The following ELL2 variants were observed in gnomAD, a reference collection of about 807,000 sequenced individuals.
ELL2 encodes the protein elongation factor for RNA polymerase II 2.
Under a neutral mutation model 72.8 loss-of-function variants are expected in ELL2, and 21 were observed. The observed-to-expected ratio is 0.29, with a 90% CI of 0.20 to 0.42. The LOEUF (loss-of-function observed/expected upper bound fraction) is 0.42. ELL2 is among the 10% of genes least tolerant of loss of function. The pLI is 1.00. For missense variants in ELL2, 568 were observed against 772.8 expected (o/e 0.73, Z 3.14); for synonymous variants, 266 against 283.2 (o/e 0.94, Z 0.61).
intron 3 of ELL2, among the ~76,000 whole-genome samples, chr5:95,918,890 TC>T (rs2112309664): frequency 1.3e-5 from 2 of 151,354 alleles, no homozygotes. Context: ...TTTTTTTTTT[TC>T]TTTTTTTTTA....
At position 95,888,683 on chromosome 5, in the gene ELL2, G is replaced by A. The variant is rs936448523; in HGVS notation, c.*188C>T. The A allele has an allele frequency of 3.1e-5, 13 of 425,100 alleles. No individual in the cohort carries two copies. Among genetic ancestry groups the A allele is most frequent in the Non-Finnish European group, 5.3e-5 (13 of 244,372 alleles). 26.3% of individuals were successfully genotyped at this position (425,100 alleles called of 1,614,324 possible). On this transcript the variant is annotated 3_prime_UTR_variant, in exon 12 of 12. Transcript: ENST00000237853. ...AGTCTTGGGGGTGGGGTGGTGGGGA[G>A]GACCAGAAAGAGCAGCTTCGAAATG...
intron 3 of ELL2, among the ~76,000 whole-genome samples, chr5:95,915,695 C>G (rs1749766040): frequency 6.6e-6 from 1 of 152,054 alleles, no homozygotes. Context: ...GGAGGTGATG[C>G]CTGAGGTGAT....
chr5:95,912,166 G>A (rs1406986939), intron 4 of ELL2, among the ~76,000 whole-genome samples: 1 of 152,196 alleles, frequency 6.6e-6, no homozygotes, highest in Non-Finnish European at 1.5e-5. Flanking sequence ...AGTCTGTTGT[G>A]TAAGCTATAA....
intron 4 of ELL2, among the ~76,000 whole-genome samples, chr5:95,907,296 A>ATATATT: frequency 2.6e-5 from 3 of 116,520 alleles, no homozygotes; most frequent in African/African-American, 1.2e-4. Context: ...ATATATATAT[A>ATATATT]TTTTTTTTTT....
chr5:95,894,288 C>T (rs1184028979), intron 9 of ELL2, among the ~76,000 whole-genome samples: 2 of 152,194 alleles, frequency 1.3e-5, no homozygotes, highest in Non-Finnish European at 2.9e-5. Flanking sequence ...CAAAACACAA[C>T]AGCCTTGAAT....
intron 8 of ELL2, among the ~76,000 whole-genome samples, chr5:95,897,174 A>T (rs1748907705): frequency 6.6e-6 from 1 of 152,248 alleles, no homozygotes; most frequent in Non-Finnish European, 1.5e-5. Context: ...TTTGGAAGTA[A>T]CACTAAAAGA....
chr5:95,928,755 C>T (rs1750486248), intron 2 of ELL2, among the ~76,000 whole-genome samples: 1 of 152,202 alleles, frequency 6.6e-6, no homozygotes, highest in South Asian at 2.1e-4. Flanking sequence ...CAGCTGCCAT[C>T]CTATAATCAT....
At chr5:95,906,452 C>T (rs574163380) in intron 5 of ELL2, 71 bp downstream of exon 5, 3 of 1,476,252 alleles carry the variant, frequency 2.0e-6, no homozygotes, top group Non-Finnish European at 2.7e-6. Context: ...ATAATAATGA[C>T]AACAAGCTTT....
intron 4 of ELL2, among the ~76,000 whole-genome samples, chr5:95,911,875 T>C (rs978289846): frequency 3.9e-5 from 6 of 152,058 alleles, no homozygotes; most frequent in African/African-American, 1.4e-4. Flanking sequence ...GCTAGGACAC[T>C]GAGGACAAAG....
chr5:95,918,875 T>C (rs944108968), intron 3 of ELL2, among the ~76,000 whole-genome samples: 1 of 130,136 alleles, frequency 7.7e-6, no homozygotes, highest in Non-Finnish European at 1.6e-5. Flanking sequence ...GTCTTCCTCC[T>C]CCTTTTTTTT....
intron 1 of ELL2, among the ~76,000 whole-genome samples, chr5:95,951,356 G>A (rs568776851): frequency 4.6e-5 from 7 of 150,620 alleles, no homozygotes; most frequent in Middle Eastern, 3.4e-3. Flanking sequence ...GGGACAGAGC[G>A]AGACTCCGTC....
chr5:95,954,588 TTTTTTTTC>T (rs1391766185), intron 1 of ELL2, among the ~76,000 whole-genome samples: 78 of 116,982 alleles, frequency 6.7e-4, no homozygotes, highest in African/African-American at 3.1e-3. Flanking sequence ...CTTTTCTTTT[TTTTTTTTC>T]TTTTTTTTTT....
intron 7 of ELL2, chr5:95,900,225 T>C (rs1749085532): frequency 6.6e-6 from 1 of 152,460 alleles, no homozygotes; most frequent in Non-Finnish European, 1.5e-5. Flanking sequence ...GGGAGTACTC[T>C]GATAAGGATC....
chr5:95,913,764 T>C lies in ELL2; in HGVS notation c.481+7A>G, dbSNP rs768941741. 1.3e-6 allele frequency: 2 copies of C among 1,598,978 alleles called. No homozygotes were observed. The highest frequency in any genetic ancestry group is 3.5e-5 in the Admixed American group (2 of 57,646). On this transcript the variant is annotated splice_region_variant and intron_variant, in intron 4 of 11. Transcript: ENST00000237853. The stretch of plus-strand genomic sequence containing the variant: ...TCAGCAAGAGGAAGAAAGATATCTA[T>C]ACAAACCTACATATGGTCCACCGGG...
intron 3 of ELL2, among the ~76,000 whole-genome samples, chr5:95,916,954 C>A (rs1017202000): frequency 5.3e-5 from 8 of 152,090 alleles, no homozygotes; most frequent in Admixed American, 1.3e-4. Flanking sequence ...GCCCCTCATG[C>A]GAAGTCAGAA....
At chr5:95,900,015 C>G (rs1434896135) in intron 7 of ELL2, among the ~76,000 whole-genome samples, 3 of 152,122 alleles carry the variant, frequency 2.0e-5, no homozygotes, top group Non-Finnish European at 2.9e-5. Flanking sequence ...AGGGAAGACA[C>G]TGTGTCAGCA....
In ELL2 at chr5:95,930,458, A is replaced by G. The variant is rs910780200; in HGVS notation, c.196-10913T>C. 2.6e-5 allele frequency among the ~76,000 whole-genome samples: 4 copies of G among 152,208 alleles called. 1 individual carries two copies. Among genetic ancestry groups the G allele is most frequent in the East Asian group, 3.8e-4 (2 of 5,204 alleles). The stretch of plus-strand genomic sequence containing the variant: ...TTGTAAAATACATGGTTTCACCCCA[A>G]CCTAATCAATGTCACCAAGAAAACT... On this transcript the variant is annotated intron_variant, in intron 2 of 11. Transcript: ENST00000237853.
At chr5:95,960,588 C>T (rs1169401919) in intron 1 of ELL2, among the ~76,000 whole-genome samples, 1 of 151,992 alleles carries the variant, frequency 6.6e-6, no homozygotes, top group East Asian at 1.9e-4. Flanking sequence ...AGTCTCTGCC[C>T]GGGATGCATT....
intron 2 of ELL2, among the ~76,000 whole-genome samples, chr5:95,936,872 G>A (rs1750795635): frequency 1.3e-5 from 2 of 152,150 alleles, no homozygotes; most frequent in South Asian, 2.1e-4. Flanking sequence ...TCAGTTTTTG[G>A]TGGGAAACAA....
Sources: allele counts gnomAD v4.1 joint callset (sites outside exome capture counted in the v4.1 genomes callset), GRCh38; gene constraint gnomAD v4.1.1; transcripts MANE v1.5; gene names NCBI Gene and HGNC (gene_info 2026-07-23, HGNC 2026-07-21).